The following CARD14 variants were observed in gnomAD, a reference collection of about 807,000 sequenced individuals.
The protein encoded by CARD14 is caspase recruitment domain family member 14, also known as caspase recruitment domain-containing protein 14.
In CARD14, 107 loss-of-function variants were observed where a neutral mutation model predicts 111.5. The ratio of observed to expected loss-of-function variants is 0.96; its 90% CI spans 0.82 to 1.13. The LOEUF is 1.13. Ranked by LOEUF, CARD14 falls within the 50% of genes most tolerant of loss-of-function variation. The probability of loss-of-function intolerance (pLI) is 0.00; values close to 1 mark genes in which losing one functional copy is unlikely to be tolerated. For synonymous variants in CARD14, 617 were observed against 579.6 expected (o/e 1.06, Z -0.93); for missense variants, 1,322 against 1,362.3 (o/e 0.97, Z 0.47).
chr17:80,207,366 C>T (rs1028528952), intron 23 of CARD14, among the ~76,000 whole-genome samples: 3 of 152,192 alleles, frequency 2.0e-5, no homozygotes. Flanking sequence ...GCCTGGCCAA[C>T]ATGGAGAAAC....
Position 80,183,955 on chromosome 17 carries a change from C to T in CARD14, c.392C>T (p.Ala131Val). 1 of 1,543,084 alleles carries T rather than the reference C, an allele frequency of 6.5e-7. No individual in the cohort carries two copies. The highest frequency in any genetic ancestry group is 8.7e-7 in the Non-Finnish European group (1 of 1,143,422). Reference protein sequence around the residue: ...TSKLTECLAGAIGSLQEELNQ... With the variant: ...TSKLTECLAGVIGSLQEELNQ... ...AAGCTGACCGAGTGCCTGGCTGGGG[C>T]CATCGGCAGCCTGCAGGAGGAGCTG... The change falls in exon 7 of 24, where the codon GCC (alanine) becomes GTC (valine). Residue 131 changes from alanine to valine, a missense_variant. Ala to Val is a moderately conservative substitution (Grantham distance 64). Coordinates refer to ENST00000648509, the MANE Select transcript of CARD14 (RefSeq NM_001366385.1).
chr17:80,181,575 C>T lies in CARD14; in HGVS notation c.137C>T (p.Ala46Val). The T allele has an allele frequency of 6.4e-7, 1 of 1,565,826 alleles. No homozygotes were observed. The highest frequency in any genetic ancestry group is 8.7e-7 in the Non-Finnish European group (1 of 1,155,448). The change falls in exon 5 of 24, where the codon GCC (alanine) becomes GTC (valine). Residue 46 changes from alanine to valine, a missense_variant. By Grantham distance (64) the Ala-to-Val change is moderately conservative. Transcript: ENST00000648509. ...CGCCTCACCCCCTACCTGCGCCAGG[C>T]CAAGGTGCTGTGCCAGCTGGACGAG... ...PSRLTPYLRQ[A>V]KVLCQLDEEE...
intron 22 of CARD14, among the ~76,000 whole-genome samples, chr17:80,206,560 G>T (rs896144507): frequency 3.3e-5 from 5 of 152,234 alleles, no homozygotes; most frequent in African/African-American, 4.8e-5. Flanking sequence ...GAGGTCAGGA[G>T]ATCAAGACCA....
intron 6 of CARD14, among the ~76,000 whole-genome samples, chr17:80,183,666 C>G (rs1194621500): frequency 2.6e-5 from 4 of 152,136 alleles, no homozygotes; most frequent in Non-Finnish European, 5.9e-5. Context: ...GGAGTCTGGG[C>G]AAGGCTGTGG....
chr17:80,207,749 C>T (rs1484315693), intron 23 of CARD14: 1 of 223,834 alleles, frequency 4.5e-6, no homozygotes, highest in African/African-American at 2.3e-5. Context: ...CACTCCCTCC[C>T]CCAAGAGCAG....
chr17:80,191,795 G>A (rs927593410), intron 11 of CARD14, among the ~76,000 whole-genome samples: 1 of 152,242 alleles, frequency 6.6e-6, no homozygotes, highest in Non-Finnish European at 1.5e-5. Flanking sequence ...GGCGTTTGAA[G>A]CTGTCCACAG....
At chr17:80,190,249 C>T (rs1331176189) in intron 9 of CARD14, among the ~76,000 whole-genome samples, 1 of 152,070 alleles carries the variant, frequency 6.6e-6, no homozygotes, top group African/African-American at 2.4e-5. Flanking sequence ...CATGCAACAT[C>T]CCCTCATTGT....
intron 10 of CARD14, 127 bp downstream of exon 10, chr17:80,191,026 C>A: frequency 7.6e-7 from 1 of 1,312,130 alleles, no homozygotes; most frequent in Non-Finnish European, 1.0e-6. Context: ...GGGTCTCTTT[C>A]CTCGGTCCAC....
chr17:80,182,608 C>G lies in CARD14; in HGVS notation c.212-45C>G. On this transcript the variant is annotated intron_variant, in intron 5 of 23. Transcript: ENST00000648509. The surrounding 1 kb of genome is among the most constrained non-coding windows in gnomAD (Gnocchi z 4.7). ...GAAGCCAGCCAGGGAGCCCAGCCCCCTTGGTAGCTGGGTTCTGCCCAGACA... is the reference window on the plus strand; with the variant it reads ...GAAGCCAGCCAGGGAGCCCAGCCCCGTTGGTAGCTGGGTTCTGCCCAGACA... 3 of 1,609,010 alleles carry G rather than the reference C, an allele frequency of 1.9e-6. No individual in the cohort carries two copies. Among genetic ancestry groups the G allele is most frequent in the Non-Finnish European group, 2.5e-6 (3 of 1,177,574 alleles).
In CARD14 at chr17:80,206,804, A is replaced by T. The variant is rs113123257; in HGVS notation, c.2692-166A>T. 4.7e-5 allele frequency: 20 copies of T among 426,536 alleles called. 1 individual carries two copies. Among genetic ancestry groups the T allele is most frequent in the African/African-American group, 3.3e-4 (16 of 48,866 alleles). The allele number at this position is 426,536 out of a possible 1,614,324, so 26.4% of individuals were successfully genotyped here. On this transcript the variant is annotated intron_variant, in intron 22 of 23. Coordinates refer to ENST00000648509, the MANE Select transcript of CARD14 (RefSeq NM_001366385.1). ...AATAAAAATAAAAAAAAGAGAGAAG[A>T]AAGTGGCAAGCTCTATTCCCTCATC...
Position 80,198,843 on chromosome 17 carries a change from C to A in CARD14, c.1851+252C>A. The A allele has an allele frequency of 6.9e-7, 1 of 1,459,246 alleles. No individual in the cohort carries two copies. The highest frequency in any genetic ancestry group is 9.0e-7 in the Non-Finnish European group (1 of 1,110,528). 90.4% of individuals were successfully genotyped at this position (1,459,246 alleles called of 1,614,324 possible). A position where few individuals can be genotyped will look rare whatever the true frequency, so the allele number is the denominator to read the frequency against. On this transcript the variant is annotated intron_variant, in intron 16 of 23. Transcript: ENST00000648509. The surrounding 1 kb of genome is among the most constrained non-coding windows in gnomAD (Gnocchi z 7.5). The stretch of plus-strand genomic sequence containing the variant: ...TCTGACCAGGGGTCTTTGCATGAGG[C>A]CCCTTGACAGGGCTGCTCTGGGTGG...
At position 80,207,094 on chromosome 17, in the gene CARD14, A is replaced by G; in HGVS notation, c.2807+9A>G. 1 of 1,603,704 alleles carries G rather than the reference A, an allele frequency of 6.2e-7. No homozygotes were observed. The highest frequency in any genetic ancestry group is 8.5e-7 in the Non-Finnish European group (1 of 1,171,034). ...ATGGCAAAGAAGCTCAAGTAGGTGC[A>G]CGCTGGGGGCTGGGCAGGGGCTTCG... On this transcript the variant is annotated intron_variant, in intron 23 of 23. Transcript: ENST00000648509.
intron 16 of CARD14, chr17:80,199,027 C>A: frequency 3.6e-6 from 2 of 563,012 alleles, no homozygotes; most frequent in Non-Finnish European, 2.3e-6. Context: ...CAGCTCACTG[C>A]AGCCTCGACC....
intron 22 of CARD14, among the ~76,000 whole-genome samples, chr17:80,206,296 T>TCTAAAAAAATATTTCAA (rs2041300554): frequency 6.6e-6 from 1 of 151,258 alleles, no homozygotes; most frequent in Non-Finnish European, 1.5e-5. Flanking sequence ...GAGACCCGTC[T>TCTAAAAAAATATTTCAA]CTAAAAAAAA....
In CARD14 at chr17:80,181,489, G is replaced by A. The variant is rs1162259604; in HGVS notation, c.51G>A (p.Glu17=). ...CCGCACTCACGGCACTGGACGAGGA[G>A]ACACTGTGGGAGATGATGGAGAGCC... ...RDSALTALDE[E]TLWEMMESHR... is the part of the protein sequence containing the mutation. The change falls in exon 5 of 24, where the codon GAG becomes GAA. Residue 17 remains glutamate (E), a synonymous_variant. Transcript: ENST00000648509. 1 of 1,589,460 alleles carries A rather than the reference G, an allele frequency of 6.3e-7. No homozygotes were observed. Among genetic ancestry groups the A allele is most frequent in the Non-Finnish European group, 8.6e-7 (1 of 1,167,244 alleles).
chr17:80,186,805 C>G (rs1475706905), intron 7 of CARD14, among the ~76,000 whole-genome samples: 1 of 152,222 alleles, frequency 6.6e-6, no homozygotes, highest in Admixed American at 6.5e-5. Flanking sequence ...CCACCTCGGT[C>G]TCCCAAAGTG....
chr17:80,203,737 C>T lies in CARD14; in HGVS notation c.2220-85C>T. 2 of 1,021,482 alleles carry T rather than the reference C, an allele frequency of 2.0e-6. No homozygotes were observed. Among genetic ancestry groups the T allele is most frequent in the Admixed American group, 2.4e-5 (1 of 41,206 alleles). The allele number at this position is 1,021,482 out of a possible 1,614,324, so 63.3% of individuals were successfully genotyped here. A position where few individuals can be genotyped will look rare whatever the true frequency, so the allele number is the denominator to read the frequency against. ...GCCCTTCTCTCCCACCCGGCCATCT[C>T]CCCCACTCTCCCCTGCTCGGCTCTC... is the stretch of plus-strand genomic sequence containing the variant. On this transcript the variant is annotated intron_variant, in intron 18 of 23. Transcript: ENST00000648509. This position sits in a 1 kb window ranked among gnomAD's most constrained non-coding sequence, Gnocchi z 4.6.
rs1298056786 is a variant in CARD14, at chr17:80,188,193, A to T, written c.676-184A>T. 9.8e-6 allele frequency: 6 copies of T among 610,278 alleles called. No homozygotes were observed. Among genetic ancestry groups the T allele is most frequent in the African/African-American group, 1.9e-5 (1 of 51,720 alleles). The allele number at this position is 610,278 out of a possible 1,614,324, so 37.8% of individuals were successfully genotyped here. ...AGAGCTGAAAGGCCTCTGTCCTCCC[A>T]GCCCCAGTTGAATATTTGGGACTAT... On this transcript the variant is annotated intron_variant, in intron 7 of 23. Coordinates refer to ENST00000648509, the MANE Select transcript of CARD14 (RefSeq NM_001366385.1). The surrounding 1 kb of genome is among the most constrained non-coding windows in gnomAD (Gnocchi z 4.5).
At position 80,191,451 on chromosome 17, in the gene CARD14, G is replaced by A. The variant is rs758536769; in HGVS notation, c.1218G>A (p.Leu406=). 6.2e-7 allele frequency: 1 copy of A among 1,613,018 alleles called. No individual in the cohort carries two copies. Among genetic ancestry groups the A allele is most frequent in the Non-Finnish European group, 8.5e-7 (1 of 1,179,458 alleles). The change falls in exon 11 of 24, where the codon CTG becomes CTA. Residue 406 remains leucine, a synonymous_variant. Coordinates refer to ENST00000648509, the MANE Select transcript of CARD14 (RefSeq NM_001366385.1). ...VCELRTQLRQ[L]QAEPPGVLKQ... is the part of the protein sequence containing the mutation. Reference sequence around the variant, plus strand: ...AGCTGCGCACACAGCTTCGCCAGCTGCAGGCAGAGCCTCCGGGTGTGGTGA... The same window carrying A: ...AGCTGCGCACACAGCTTCGCCAGCTACAGGCAGAGCCTCCGGGTGTGGTGA...
Sources: allele counts gnomAD v4.1 joint callset (sites outside exome capture counted in the v4.1 genomes callset), GRCh38; gene constraint gnomAD v4.1.1; non-coding constraint Gnocchi (gnomAD v3.1); transcripts MANE v1.5; gene names NCBI Gene and HGNC (gene_info 2026-07-23, HGNC 2026-07-21).